The following ADAMTS6 variants were observed in gnomAD, a reference collection of about 807,000 sequenced individuals.
The protein encoded by ADAMTS6 is ADAM metallopeptidase with thrombospondin type 1 motif 6.
In ADAMTS6, 23 loss-of-function variants were observed where a neutral mutation model predicts 144.3. That is an observed-to-expected ratio of 0.16 (90% CI 0.11 to 0.23). ADAMTS6 has a LOEUF of 0.23. ADAMTS6 is among the 10% of genes least tolerant of loss of function. The pLI, the probability that ADAMTS6 is intolerant of heterozygous loss-of-function variation, is 1.00. For synonymous variants in ADAMTS6, 444 were observed against 457.5 expected, an observed-to-expected ratio of 0.97 and a Z score of 0.38; for missense variants, 999 against 1,379.6, an observed-to-expected ratio of 0.72 and a Z score of 4.37.
At chr5:65,442,900 A>G (rs1757977205) in intron 7 of ADAMTS6, among the ~76,000 whole-genome samples, 1 of 151,550 alleles carries the variant, frequency 6.6e-6, no homozygotes. Context: ...TCATTGTTCA[A>G]CTCCCACTTT....
At chr5:65,368,488 C>T (rs1750515892) in intron 7 of ADAMTS6, among the ~76,000 whole-genome samples, 1 of 152,138 alleles carries the variant, frequency 6.6e-6, no homozygotes, top group Non-Finnish European at 1.5e-5. Flanking sequence ...GGGAGAAGCC[C>T]CTCAAGATAA....
intron 18 of ADAMTS6, among the ~76,000 whole-genome samples, chr5:65,220,120 C>T (rs1757214810): frequency 1.3e-5 from 2 of 152,020 alleles, no homozygotes; most frequent in South Asian, 4.1e-4. Context: ...AAAACCTTAA[C>T]AAAAAACTAA....
chr5:65,384,341 G>A (rs1580559570), intron 7 of ADAMTS6, among the ~76,000 whole-genome samples: 2 of 152,156 alleles, frequency 1.3e-5, no homozygotes. Flanking sequence ...GGAGTCAAGA[G>A]AAACCATGCC....
intron 11 of ADAMTS6, among the ~76,000 whole-genome samples, chr5:65,282,016 T>A (rs1763026269): frequency 6.6e-6 from 1 of 152,086 alleles, no homozygotes; most frequent in Non-Finnish European, 1.5e-5. Flanking sequence ...GGAGGTGACA[T>A]CATGAAAGAA....
At chr5:65,223,455 T>C (rs1402804434) in intron 18 of ADAMTS6, among the ~76,000 whole-genome samples, 1 of 152,246 alleles carries the variant, frequency 6.6e-6, no homozygotes, top group East Asian at 1.9e-4. Flanking sequence ...TTTGTACTAT[T>C]TGACCAACAT....
intron 15 of ADAMTS6, among the ~76,000 whole-genome samples, chr5:65,233,913 T>C (rs1025354456): frequency 2.6e-5 from 4 of 151,992 alleles, no homozygotes; most frequent in African/African-American, 9.7e-5. Context: ...AACAGTATAG[T>C]ACTTTATTAA....
At chr5:65,240,509 T>G (rs1471542336) in intron 15 of ADAMTS6, among the ~76,000 whole-genome samples, 1 of 152,124 alleles carries the variant, frequency 6.6e-6, no homozygotes, top group Non-Finnish European at 1.5e-5. Context: ...TATGTTGAAA[T>G]CTTAATCCCC....
At chr5:65,183,666 A>AAAAT (rs1310024450) in intron 22 of ADAMTS6, among the ~76,000 whole-genome samples, 1 of 151,998 alleles carries the variant, frequency 6.6e-6, no homozygotes, top group African/African-American at 2.4e-5. Context: ...TAAAAAAATA[A>AAAAT]AAATTTCTAG....
At chr5:65,448,693 T>TG (rs1758480195) in intron 7 of ADAMTS6, among the ~76,000 whole-genome samples, 1 of 152,052 alleles carries the variant, frequency 6.6e-6, no homozygotes, top group Non-Finnish European at 1.5e-5. Context: ...GACCTCATGA[T>TG]CCGCCCTCCT....
At chr5:65,382,108 C>G (rs1752097168) in intron 7 of ADAMTS6, among the ~76,000 whole-genome samples, 1 of 152,104 alleles carries the variant, frequency 6.6e-6, no homozygotes. Flanking sequence ...GAGGTTAACT[C>G]TTTGGAAAAA....
At chr5:65,327,170 G>A (rs1746250775) in intron 9 of ADAMTS6, among the ~76,000 whole-genome samples, 1 of 152,138 alleles carries the variant, frequency 6.6e-6, no homozygotes, top group Non-Finnish European at 1.5e-5. Flanking sequence ...GCCATGTGGT[G>A]CACTGGCTCC....
intron 20 of ADAMTS6, among the ~76,000 whole-genome samples, chr5:65,206,657 G>A (rs1253617319): frequency 7.3e-6 from 1 of 136,546 alleles, no homozygotes; most frequent in African/African-American, 2.8e-5. Flanking sequence ...CCATGATCGT[G>A]CCACTGCACT....
chr5:65,244,529 T>C (rs1176707043), intron 14 of ADAMTS6, among the ~76,000 whole-genome samples: 1 of 152,182 alleles, frequency 6.6e-6, no homozygotes, highest in African/African-American at 2.4e-5. Flanking sequence ...TTTCCTGTGA[T>C]AACCACTCTC....
At chr5:65,170,536 G>A in intron 24 of ADAMTS6, 81 bp downstream of exon 24, 3 of 1,481,852 alleles carry the variant, frequency 2.0e-6, no homozygotes, top group South Asian at 1.2e-5. Flanking sequence ...ACAGTAGTGG[G>A]TTTACTGTGC....
chr5:65,299,033 T>G (rs1743121079), intron 10 of ADAMTS6, among the ~76,000 whole-genome samples: 1 of 152,084 alleles, frequency 6.6e-6, no homozygotes, highest in South Asian at 2.1e-4. Flanking sequence ...GGCCTGTGCT[T>G]TATGTATACC....
At chr5:65,392,481 C>T (rs905723049) in intron 7 of ADAMTS6, among the ~76,000 whole-genome samples, 13 of 152,188 alleles carry the variant, frequency 8.5e-5, no homozygotes, top group African/African-American at 2.9e-4. Context: ...TATTTATAGG[C>T]CTATCAATTC....
chr5:65,475,528 G>A (rs1272151866), intron 1 of ADAMTS6, among the ~76,000 whole-genome samples: 7 of 152,192 alleles, frequency 4.6e-5, no homozygotes, highest in Admixed American at 4.6e-4. Context: ...TAATAAGGTC[G>A]TGCAAAGTTG....
intron 21 of ADAMTS6, among the ~76,000 whole-genome samples, chr5:65,191,463 T>C (rs1312214844): frequency 2.6e-5 from 4 of 152,096 alleles, no homozygotes; most frequent in South Asian, 2.1e-4. Context: ...TATTAAATAT[T>C]AGGATTAAGA....
At chr5:65,323,469 A>G (rs1217842813) in intron 9 of ADAMTS6, among the ~76,000 whole-genome samples, 2 of 151,958 alleles carry the variant, frequency 1.3e-5, no homozygotes, top group African/African-American at 4.8e-5. Context: ...ATGGCTGCAT[A>G]GTATTCCATG....
Sources: gnomAD v4.1 joint callset for allele counts (sites outside exome capture counted in the v4.1 genomes callset) on GRCh38, gnomAD v4.1.1 for gene constraint, MANE v1.5 for transcripts, NCBI Gene and HGNC (gene_info 2026-07-23, HGNC 2026-07-21) for gene names.